Variants in ZDHHC14 observed in about 807,000 individuals in gnomAD.
The protein encoded by ZDHHC14 is palmitoyltransferase ZDHHC14.
Under a neutral mutation model 47.7 loss-of-function variants are expected in ZDHHC14, and 16 were observed. The observed-to-expected ratio is 0.34, with a 90% CI of 0.23 to 0.51. The LOEUF (loss-of-function observed/expected upper bound fraction) is 0.51, where lower values mean the gene tolerates loss of function less well. ZDHHC14 is among the 20% of genes least tolerant of loss of function. The pLI is 0.97. For synonymous variants in ZDHHC14, 293 were observed against 278.9 expected, an observed-to-expected ratio of 1.05 and a Z score of -0.50; for missense variants, 515 against 662.5, an observed-to-expected ratio of 0.78 and a Z score of 2.44.
Position 157,490,933 on chromosome 6 carries a change from A to G in ZDHHC14, c.246-51652A>G, listed in dbSNP as rs568352930. ...ATAATGTTGCAAGATAAGTATCCCTATTTTGCATATAAGAGAATCAAAGCA... is the reference window on the plus strand; with the variant it reads ...ATAATGTTGCAAGATAAGTATCCCTGTTTTGCATATAAGAGAATCAAAGCA... On this transcript the variant is annotated intron_variant, in intron 1 of 8. Transcript: ENST00000359775. Among the ~76,000 whole-genome samples, 7 of 152,146 alleles carry G rather than the reference A, an allele frequency of 4.6e-5. No homozygotes were observed. The South Asian group carries it at 1.5e-3, about 32-fold the overall frequency.
intron 1 of ZDHHC14, among the ~76,000 whole-genome samples, chr6:157,484,316 C>CAT (rs1779713948): frequency 2.7e-5 from 3 of 110,694 alleles, no homozygotes; most frequent in Admixed American, 1.0e-4. Flanking sequence ...CATATATATA[C>CAT]ACATATATAT....
At chr6:157,540,817 A>G (rs1781715896) in intron 1 of ZDHHC14, among the ~76,000 whole-genome samples, 2 of 151,388 alleles carry the variant, frequency 1.3e-5, no homozygotes, top group Admixed American at 6.6e-5. Flanking sequence ...CCCCTAAAGT[A>G]GATTATTTTA....
chr6:157,583,733 C>T (rs192483225), intron 2 of ZDHHC14, among the ~76,000 whole-genome samples: 6 of 152,220 alleles, frequency 3.9e-5, no homozygotes, highest in African/African-American at 1.2e-4. Context: ...CAGATCTCGG[C>T]TTGGCACTCC....
intron 1 of ZDHHC14, among the ~76,000 whole-genome samples, chr6:157,443,275 G>A (rs563577434): frequency 6.6e-6 from 1 of 152,288 alleles, no homozygotes; most frequent in African/African-American, 2.4e-5. Flanking sequence ...GGCCTCCCCA[G>A]CCATGCTGAA....
chr6:157,452,951 C>G (rs573625746), intron 1 of ZDHHC14, among the ~76,000 whole-genome samples: 1 of 152,000 alleles, frequency 6.6e-6, no homozygotes. Flanking sequence ...ATGATCCACC[C>G]GCCTTGGCCT....
intron 1 of ZDHHC14, among the ~76,000 whole-genome samples, chr6:157,485,113 T>TAAATA (rs1554260710): frequency 9.2e-5 from 14 of 151,874 alleles, no homozygotes; most frequent in African/African-American, 3.1e-4. Context: ...CCAATAAAAA[T>TAAATA]AAATAAAATA....
intron 1 of ZDHHC14, among the ~76,000 whole-genome samples, chr6:157,388,914 G>A (rs775379005): frequency 6.6e-5 from 10 of 152,174 alleles, no homozygotes; most frequent in Non-Finnish European, 1.5e-4. Flanking sequence ...GGTCGTCACA[G>A]TCTGAGCTTG....
intron 8 of ZDHHC14, among the ~76,000 whole-genome samples, chr6:157,667,672 C>A (rs1281790547): frequency 6.6e-6 from 1 of 151,350 alleles, no homozygotes; most frequent in Admixed American, 6.6e-5. Context: ...TCCACAGTAA[C>A]CCTGAAAATA....
At chr6:157,504,191 TA>T (rs906620064) in intron 1 of ZDHHC14, among the ~76,000 whole-genome samples, 44 of 78,580 alleles carry the variant, frequency 5.6e-4, no homozygotes, top group Admixed American at 1.7e-3. Flanking sequence ...GGCATATATA[TA>T]TTTTTTTTTT....
chr6:157,448,347 G>A (rs551469217), intron 1 of ZDHHC14, among the ~76,000 whole-genome samples: 121 of 152,254 alleles, frequency 7.9e-4, no homozygotes, highest in Non-Finnish European at 1.4e-3. Flanking sequence ...TGTCTGTTGC[G>A]GGGGTGGTGG....
At chr6:157,541,012 A>C (rs1337558981) in intron 1 of ZDHHC14, among the ~76,000 whole-genome samples, 1 of 151,414 alleles carries the variant, frequency 6.6e-6, no homozygotes, top group African/African-American at 2.4e-5. Context: ...AAATAATTTC[A>C]AACTTACAGA....
chr6:157,543,620 G>A lies in ZDHHC14; in HGVS notation c.406+875G>A, dbSNP rs184252768. On this transcript the variant is annotated intron_variant, in intron 2 of 8. Coordinates refer to ENST00000359775, the MANE Select transcript of ZDHHC14 (RefSeq NM_024630.3). The stretch of plus-strand genomic sequence containing the variant: ...TACAGTGTAAGAAGATAGAGCTGTG[G>A]ATCTTGCTGAAAAGTGCCTATTCTG... Among the ~76,000 whole-genome samples, 731 of 152,340 alleles carry A rather than the reference G, an allele frequency of 4.8e-3. 1 individual carries two copies. Among genetic ancestry groups the A allele is most frequent in the Non-Finnish European group, 8.3e-3 (563 of 68,028 alleles).
intron 2 of ZDHHC14, among the ~76,000 whole-genome samples, chr6:157,562,087 A>G (rs939916112): frequency 4.6e-5 from 7 of 152,216 alleles, no homozygotes; most frequent in African/African-American, 1.7e-4. Context: ...GGGAAGGGGC[A>G]GAAGATGCAG....
chr6:157,461,307 G>A (rs1445299038), intron 1 of ZDHHC14, among the ~76,000 whole-genome samples: 1 of 152,190 alleles, frequency 6.6e-6, no homozygotes, highest in Non-Finnish European at 1.5e-5. Flanking sequence ...GCAAAGTCTC[G>A]TGCCCCTCTG....
intron 8 of ZDHHC14, among the ~76,000 whole-genome samples, chr6:157,661,968 A>T (rs537157894): frequency 6.6e-6 from 1 of 151,890 alleles, no homozygotes; most frequent in South Asian, 2.1e-4. Context: ...GACTGCAGGC[A>T]TGCACCACCA....
At chr6:157,596,130 C>G (rs1046617600) in intron 3 of ZDHHC14, among the ~76,000 whole-genome samples, 1 of 152,126 alleles carries the variant, frequency 6.6e-6, no homozygotes, top group African/African-American at 2.4e-5. Flanking sequence ...TTCGGTTTTC[C>G]GGTTAATTAT....
chr6:157,465,478 T>C (rs1779189308), intron 1 of ZDHHC14, among the ~76,000 whole-genome samples: 1 of 151,798 alleles, frequency 6.6e-6, no homozygotes, highest in South Asian at 2.1e-4. Context: ...CAATGCATTC[T>C]CCCCAGGAAC....
At chr6:157,487,508 C>T (rs1300216340) in intron 1 of ZDHHC14, among the ~76,000 whole-genome samples, 1 of 152,160 alleles carries the variant, frequency 6.6e-6, no homozygotes, top group African/African-American at 2.4e-5. Flanking sequence ...GAGCATTATG[C>T]CATTTAATCC....
At chr6:157,519,736 G>A (rs1780847787) in intron 1 of ZDHHC14, among the ~76,000 whole-genome samples, 1 of 152,172 alleles carries the variant, frequency 6.6e-6, no homozygotes, top group Non-Finnish European at 1.5e-5. Flanking sequence ...AAAACGAAAG[G>A]ATTCATCGTT....
Sources: gnomAD v4.1 joint callset for allele counts (sites outside exome capture counted in the v4.1 genomes callset) on GRCh38, gnomAD v4.1.1 for gene constraint, MANE v1.5 for transcripts, NCBI Gene and HGNC (gene_info 2026-07-23, HGNC 2026-07-21) for gene names.